The following JAK3 variants were observed in gnomAD, a reference collection of about 807,000 sequenced individuals.
The protein encoded by JAK3 is Janus kinase 3, also known as tyrosine-protein kinase JAK3.
Under a neutral mutation model 120.8 loss-of-function variants are expected in JAK3, and 88 were observed. The observed-to-expected ratio is 0.73, with a 90% CI of 0.61 to 0.87. JAK3 has a LOEUF of 0.87. Ranked by LOEUF, JAK3 falls within the 40% of genes least tolerant of loss-of-function variation. The pLI, the probability that JAK3 is intolerant of heterozygous loss-of-function variation, is 0.00. For missense variants in JAK3, 1,254 were observed against 1,501.4 expected (o/e 0.84, Z 2.72); for synonymous variants, 592 against 628.6 (o/e 0.94, Z 0.87).
At chr19:17,839,742 T>TTC in intron 9 of JAK3, 79 bp from the exon 10 acceptor site, 11 of 970,560 alleles carry the variant, frequency 1.1e-5, no homozygotes, top group Admixed American at 6.0e-5. Context: ...TTTTTTCTTT[T>TTC]TTTTTTTTTT....
In JAK3 at chr19:17,840,141, A is replaced by G. The variant is rs2094234551; in HGVS notation, c.1254+89T>C. 13 of 893,286 alleles carry G rather than the reference A, an allele frequency of 1.5e-5. No individual in the cohort carries two copies. The South Asian group carries it at 1.5e-4, about 11-fold the overall frequency. 55.3% of individuals were successfully genotyped at this position (893,286 alleles called of 1,614,324 possible). On this transcript the variant is annotated intron_variant, in intron 9 of 23. Coordinates refer to ENST00000458235, the MANE Select transcript of JAK3 (RefSeq NM_000215.4). Reference sequence around the variant, plus strand: ...TGTCTTTTCCCTCCTATTCTTCAGGAACCAAATGCTGACTGATCTTTTAAA... The same window carrying G: ...TGTCTTTTCCCTCCTATTCTTCAGGGACCAAATGCTGACTGATCTTTTAAA...
At chr19:17,834,511 C>A in intron 17 of JAK3, 60 bp downstream of exon 17, 1 of 1,605,794 alleles carries the variant, frequency 6.2e-7, no homozygotes, top group East Asian at 2.2e-5. Context: ...AACCACGCTC[C>A]TTCCACTGGG....
chr19:17,843,727 A>G lies in JAK3; in HGVS notation c.308+50T>C, dbSNP rs2094245464. 6.2e-7 allele frequency: 1 copy of G among 1,603,216 alleles called. No individual in the cohort carries two copies. Among genetic ancestry groups the G allele is most frequent in the Non-Finnish European group, 8.5e-7 (1 of 1,171,512 alleles). On this transcript the variant is annotated intron_variant, in intron 3 of 23. Transcript: ENST00000458235. The surrounding 1 kb of genome is among the most constrained non-coding windows in gnomAD (Gnocchi z 5.4). ...AGGGGTGTGGGCACCTCGAAATGCA[A>G]GGAGATGATAAAATTGTACAATCCC... is the stretch of plus-strand genomic sequence containing the variant.
chr19:17,834,492 C>A, intron 17 of JAK3, 79 bp downstream of exon 17: 3 of 1,540,800 alleles, frequency 1.9e-6, no homozygotes, highest in Admixed American at 1.7e-5. Flanking sequence ...CAGGGCGTGG[C>A]CTGCTGCAAA....
At chr19:17,836,103 TGAG>T (rs2094223746) in intron 13 of JAK3, 52 bp from the exon 14 acceptor site, 2 of 1,608,558 alleles carry the variant, frequency 1.2e-6, no homozygotes, top group Non-Finnish European at 1.7e-6. Flanking sequence ...GCACTTGTGT[TGAG>T]GAGGTTCTGC....
In JAK3 at chr19:17,839,897, C is replaced by T. The variant is rs556874722; in HGVS notation, c.1255-234G>A. 9.2e-5 allele frequency among the ~76,000 whole-genome samples: 14 copies of T among 152,102 alleles called. No individual in the cohort carries two copies. The South Asian group carries it at 2.1e-3, about 23-fold the overall frequency. ...CTGGGACTACAGATGCCCACTACCA[C>T]GCCCAGCTAAGTTTTATATTTTTAG... On this transcript the variant is annotated intron_variant, in intron 9 of 23. Transcript: ENST00000458235.
Position 17,831,317 on chromosome 19 carries a change from G to A in JAK3, c.2889C>T (p.Val963=). 1 of 1,612,566 alleles carries A rather than the reference G, an allele frequency of 6.2e-7. No individual in the cohort carries two copies. The highest frequency in any genetic ancestry group is 8.5e-7 in the Non-Finnish European group (1 of 1,179,844). ...TAGCTAGGCCGAAGTCAGCGATCTT[G>A]ACGTGTGCCTCGCTCTCCACGAGGA... ...RNILVESEAH[V]KIADFGLAKL... Residue 963 remains valine (V), a synonymous_variant, in exon 21 of 24, where the codon GTC becomes GTT. Coordinates refer to ENST00000458235, the MANE Select transcript of JAK3 (RefSeq NM_000215.4). This position sits in a 1 kb window ranked among gnomAD's most constrained non-coding sequence, Gnocchi z 5.1.
chr19:17,825,467 C>G lies in JAK3; in HGVS notation c.*1276G>C, dbSNP rs1260136570. ...CCATTAGGGTGGACTGGGACCCCAG[C>G]CTTTCCTGCCCCCTTTCAGGATCCC... On this transcript the variant is annotated 3_prime_UTR_variant, in exon 24 of 24. Coordinates refer to ENST00000458235, the MANE Select transcript of JAK3 (RefSeq NM_000215.4). 4 of 213,806 alleles carry G rather than the reference C, an allele frequency of 1.9e-5. No homozygotes were observed. The highest frequency in any genetic ancestry group is 2.8e-5 in the Non-Finnish European group (3 of 105,892). 13.2% of individuals were successfully genotyped at this position (213,806 alleles called of 1,614,324 possible). A position where few individuals can be genotyped will look rare whatever the true frequency, so the allele number is the denominator to read the frequency against.
In JAK3 at chr19:17,829,957, TGA is replaced by T. The variant is rs2094210712; in HGVS notation, c.3207+149_3207+150del. The T allele has an allele frequency of 2.4e-5, 17 of 696,054 alleles. No individual in the cohort carries two copies. In the East Asian group the frequency reaches 4.4e-4, roughly 18 times the overall value. 43.1% of individuals were successfully genotyped at this position (696,054 alleles called of 1,614,324 possible). A position where few individuals can be genotyped will look rare whatever the true frequency, so the allele number is the denominator to read the frequency against. On this transcript the variant is annotated intron_variant, in intron 23 of 23. Coordinates refer to ENST00000458235, the MANE Select transcript of JAK3 (RefSeq NM_000215.4). ...GAAAGTGCTCTGACTTGCCACACAG[TGA>T]GAGAGTAGCCAAGTGGGGGCCAGGA...
rs754304567 is a variant in JAK3, at chr19:17,842,376, C to T, written c.801G>A (p.Gly267=). ...CACCAGCCACGCGGAGCAGCCCCAG[C>T]CCGTCGTGGCCACCAAGGGCCCCAG... ...GLPGALGGHD[G]LGLLRVAGDG... The change falls in exon 6 of 24, where the codon GGG becomes GGA. Residue 267 remains glycine, a synonymous_variant. Transcript: ENST00000458235. This position sits in a 1 kb window ranked among gnomAD's most constrained non-coding sequence, Gnocchi z 6.4. 1.0e-5 allele frequency: 16 copies of T among 1,585,866 alleles called. No homozygotes were observed. The highest frequency in any genetic ancestry group is 7.9e-5 in the South Asian group (7 of 88,132).
At chr19:17,840,761 T>C (rs1447053486) in intron 8 of JAK3, among the ~76,000 whole-genome samples, 4 of 144,238 alleles carry the variant, frequency 2.8e-5, no homozygotes, top group Non-Finnish European at 4.4e-5. Context: ...AGACTCCGTC[T>C]CAAAAAAAAA....
rs151284930 is a variant in JAK3, at chr19:17,843,208, A to C, written c.421-36T>G. On this transcript the variant is annotated intron_variant, in intron 4 of 23. Coordinates refer to ENST00000458235, the MANE Select transcript of JAK3 (RefSeq NM_000215.4). This position sits in a 1 kb window ranked among gnomAD's most constrained non-coding sequence, Gnocchi z 5.4. Reference sequence around the variant, plus strand: ...GCCACAGGGAGCATCAGCTGAGGCCACCCAACTTCAAGCCCTGTTGTTAAC... The same window carrying C: ...GCCACAGGGAGCATCAGCTGAGGCCCCCCAACTTCAAGCCCTGTTGTTAAC... 6.3e-7 allele frequency: 1 copy of C among 1,588,012 alleles called. No homozygotes were observed. Among genetic ancestry groups the C allele is most frequent in the African/African-American group, 1.3e-5 (1 of 74,428 alleles).
chr19:17,827,783 T>TCCCAGCTA (rs2094206750), intron 23 of JAK3, among the ~76,000 whole-genome samples: 1 of 125,024 alleles, frequency 8.0e-6, no homozygotes, highest in East Asian at 2.4e-4. Context: ...GTGCCTGTAA[T>TCCCAGCTA]CCCAGCTACT....
rs752796696 is a variant in JAK3 at position 17,844,442 on chromosome 19, A to G, written c.-13-12T>C. 1 of 1,597,048 alleles carries G rather than the reference A, an allele frequency of 6.3e-7. No individual in the cohort carries two copies. Among genetic ancestry groups the G allele is most frequent in the South Asian group, 1.1e-5 (1 of 88,474 alleles). On this transcript the variant is annotated splice_polypyrimidine_tract_variant and intron_variant, in intron 1 of 23. Coordinates refer to ENST00000458235, the MANE Select transcript of JAK3 (RefSeq NM_000215.4). The stretch of plus-strand genomic sequence containing the variant: ...TGAGTGCAACTTGCCTGGGGCACAG[A>G]GAGAAAAAGCCCCTCAGTCCTGGTC...
chr19:17,826,472 CG>C lies in JAK3; in HGVS notation c.*270del, dbSNP rs1322817326. 1 of 525,362 alleles carries C rather than the reference CG, an allele frequency of 1.9e-6. No homozygotes were observed. Among genetic ancestry groups the C allele is most frequent in the Non-Finnish European group, 3.4e-6 (1 of 290,482 alleles). The allele number at this position is 525,362 out of a possible 1,614,324, so 32.5% of individuals were successfully genotyped here. On this transcript the variant is annotated 3_prime_UTR_variant, in exon 24 of 24. Transcript: ENST00000458235. ...CAGGGCTTAAGGGGTTGGGAAGATG[CG>C]AGAGTCTTAAATTTGGTTCCTTGCT...
rs143586866 is a variant in JAK3, at chr19:17,843,438, C to G, written c.362G>C (p.Arg121Pro). ...AAGGATAGCACTGGCCAAATCCTTG[C>G]GTAGCCCGAAGCGGTGGCACTTCTC... is the stretch of plus-strand genomic sequence containing the variant. ...GLEKCHRFGLRKDLASAILDL... is the reference protein window; with the variant it reads ...GLEKCHRFGLPKDLASAILDL... The change falls in exon 4 of 24, where the codon CGC becomes CCC. Residue 121 changes from arginine (R) to proline (P), a missense_variant. Around this residue, in one of 3 missense-constraint regions of JAK3, gnomAD observed 138 missense variants for 178.7 expected, o/e 0.77. Coordinates refer to ENST00000458235, the MANE Select transcript of JAK3 (RefSeq NM_000215.4). The surrounding 1 kb of genome is among the most constrained non-coding windows in gnomAD (Gnocchi z 5.4). 6.3e-7 allele frequency: 1 copy of G among 1,599,896 alleles called. No individual in the cohort carries two copies. The highest frequency in any genetic ancestry group is 8.5e-7 in the Non-Finnish European group (1 of 1,173,472).
rs1830730623 is a variant in JAK3, at chr19:17,837,784, C to T, written c.1701+148G>A. Reference sequence around the variant, plus strand: ...TGTTCTTGAACTCCTGGCTTCAAACCATCCTCCTGCCTCAGCCTCCCAAAG... The same window carrying T: ...TGTTCTTGAACTCCTGGCTTCAAACTATCCTCCTGCCTCAGCCTCCCAAAG... On this transcript the variant is annotated intron_variant, in intron 12 of 23. Coordinates refer to ENST00000458235, the MANE Select transcript of JAK3 (RefSeq NM_000215.4). 8 of 1,211,198 alleles carry T rather than the reference C, an allele frequency of 6.6e-6. No individual in the cohort carries two copies. In the Admixed American group the frequency reaches 1.2e-4, roughly 18 times the overall value. 75.0% of individuals were successfully genotyped at this position (1,211,198 alleles called of 1,614,324 possible).
intron 17 of JAK3, among the ~76,000 whole-genome samples, 164 bp downstream of exon 17, chr19:17,834,407 A>G (rs892688683): frequency 6.6e-6 from 1 of 152,130 alleles, no homozygotes; most frequent in Non-Finnish European, 1.5e-5. Context: ...AACTGAGGGG[A>G]CTGTTCGTTA....
chr19:17,833,628 T>G (rs1599869353), intron 17 of JAK3, among the ~76,000 whole-genome samples: 1 of 150,098 alleles, frequency 6.7e-6, no homozygotes, highest in African/African-American at 2.5e-5. Context: ...GGTGGACGGA[T>G]CTCTTTGAGA....
Sources: gnomAD v4.1 joint callset for allele counts (sites outside exome capture counted in the v4.1 genomes callset) on GRCh38, gnomAD v4.1.1 for gene constraint, gnomAD v4.1.1 regional missense constraint, Gnocchi (gnomAD v3.1) non-coding constraint, MANE v1.5 for transcripts, NCBI Gene and HGNC (gene_info 2026-07-23, HGNC 2026-07-21) for gene names.